Variants in TNK2 observed in about 807,000 individuals in gnomAD.
TNK2 encodes activated CDC42 kinase 1.
In TNK2, 83 loss-of-function variants were observed where a neutral mutation model predicts 101.8. That is an observed-to-expected ratio of 0.82 (90% CI 0.68 to 0.98). The LOEUF is 0.98. Among genes scored for constraint, TNK2 ranks in the 50% least tolerant of loss-of-function variants. The pLI is 0.00. For synonymous variants in TNK2, 804 were observed against 633.0 expected, an observed-to-expected ratio of 1.27 and a Z score of -4.06; for missense variants, 1,665 against 1,483.2, an observed-to-expected ratio of 1.12 and a Z score of -2.01.
chr3:195,887,070 C>T (rs375062177), intron 2 of TNK2, 23 bp from the exon 3 acceptor site: 105 of 1,597,934 alleles, frequency 6.6e-5, no homozygotes, highest in Non-Finnish European at 7.9e-5. Context: ...CGGGGAACCG[C>T]GTGCTGTGAA....
Position 195,866,942 on chromosome 3 carries a change from G to A in TNK2, c.3108C>T (p.Asn1036=). Residue 1036 remains asparagine (N), a synonymous_variant, in exon 15 of 16, where the codon AAC becomes AAT. Coordinates refer to ENST00000672887, the MANE Select transcript of TNK2 (RefSeq NM_001382273.1). ...CHKVLEMFDW[N]LEQAGCHLLG... is the part of the protein sequence containing the mutation. ...GAAGGTGGCAGCCGGCCTGCTCCAG[G>A]TTCCAGTCGAACATCTCCAGCACTT... The A allele has an allele frequency of 2.5e-6, 4 of 1,612,880 alleles. No homozygotes were observed. Among genetic ancestry groups the A allele is most frequent in the Non-Finnish European group, 3.4e-6 (4 of 1,179,786 alleles).
chr3:195,893,199 A>C (rs1759300983), intron 1 of TNK2, among the ~76,000 whole-genome samples: 1 of 151,794 alleles, frequency 6.6e-6, no homozygotes. Flanking sequence ...CCCACCCCCG[A>C]GTCCCAGCCT....
intron 1 of TNK2, among the ~76,000 whole-genome samples, chr3:195,894,995 T>C (rs1344689853): frequency 6.6e-6 from 1 of 152,224 alleles, no homozygotes; most frequent in African/African-American, 2.4e-5. Flanking sequence ...TGGACTCCCT[T>C]GGGGCATGGA....
Position 195,887,013 on chromosome 3 carries a change from C to A in TNK2, c.198G>T (p.Arg66Ser), listed in dbSNP as rs773017523. 21 of 1,612,074 alleles carry A rather than the reference C, an allele frequency of 1.3e-5. No individual in the cohort carries two copies. Among genetic ancestry groups the A allele is most frequent in the Non-Finnish European group, 1.7e-5 (20 of 1,178,912 alleles). The change falls in exon 3 of 16, where the codon AGG becomes AGT. Residue 66 changes from arginine to serine, a missense_variant. By Grantham distance (110) the Arg-to-Ser change is moderately radical. Around this residue, in one of 3 missense-constraint regions of TNK2, gnomAD observed 490 missense variants for 522.5 expected, o/e 0.94. Transcript: ENST00000672887. ...ACGACTTGCGTTTGCACAAGGCCTT[C>A]CTCCTCTTCACAGCCTCCCACAGCC... ...QRRLWEAVKR[R>S]KALCKRKSWM...
rs146324948 is a variant in TNK2 at position 195,882,086 on chromosome 3, G to A, written c.852C>T (p.Tyr284=). Residue 284 remains tyrosine, a synonymous_variant, in exon 6 of 16, where the codon TAC becomes TAT. Transcript: ENST00000672887. This position sits in a 1 kb window ranked among gnomAD's most constrained non-coding sequence, Gnocchi z 4.2. The part of the protein sequence containing the change: ...MRALPQNDDH[Y]VMQEHRKVPF... ...GCACCTTGCGATGTTCCTGCATGAC[G>A]TAATGGTCGTCATTCTGAGGTAGTG... 1,995 of 1,613,260 alleles carry A rather than the reference G, an allele frequency of 1.2e-3. 4 individuals are homozygous for A. Among genetic ancestry groups the A allele is most frequent in the Non-Finnish European group, 1.5e-3 (1,790 of 1,179,668 alleles).
chr3:195,870,193 T>C lies in TNK2; in HGVS notation c.1464A>G (p.Gly488=), dbSNP rs377761048. 2.5e-3 allele frequency: 3,870 copies of C among 1,562,870 alleles called. 4 individuals are homozygous for C. Among genetic ancestry groups the C allele is most frequent in the Non-Finnish European group, 3.0e-3 (3,434 of 1,150,494 alleles). Reference sequence around the variant, plus strand: ...GGAGGTCGGGGGGGTCCATGGGGTTTCCCAGATACAGTCTGTGGGGGAGAG... The same window carrying C: ...GGAGGTCGGGGGGGTCCATGGGGTTCCCCAGATACAGTCTGTGGGGGAGAG... ...FPDRIDELYL[G]NPMDPPDLLS... Residue 488 remains glycine (G), a synonymous_variant, in exon 11 of 16, where the codon GGA becomes GGG. Coordinates refer to ENST00000672887, the MANE Select transcript of TNK2 (RefSeq NM_001382273.1).
At position 195,885,685 on chromosome 3, in the gene TNK2, G is replaced by T. The variant is rs1009593827; in HGVS notation, c.235-652C>A. ...GGCGCCTAGAGCTGAGGGCTGAGACGGAAGGAAAAGTGGAGGAGACTCGGA... is the reference window on the plus strand; with the variant it reads ...GGCGCCTAGAGCTGAGGGCTGAGACTGAAGGAAAAGTGGAGGAGACTCGGA... On this transcript the variant is annotated intron_variant, in intron 3 of 15. Coordinates refer to ENST00000672887, the MANE Select transcript of TNK2 (RefSeq NM_001382273.1). The surrounding 1 kb of genome is among the most constrained non-coding windows in gnomAD (Gnocchi z 4.7). The T allele has an allele frequency of 5.5e-6, 5 of 901,984 alleles. No individual in the cohort carries two copies. Among genetic ancestry groups the T allele is most frequent in the Non-Finnish European group, 7.7e-6 (5 of 647,356 alleles). The allele number at this position is 901,984 out of a possible 1,614,324, so 55.9% of individuals were successfully genotyped here. A position where few individuals can be genotyped will look rare whatever the true frequency, so the allele number is the denominator to read the frequency against.
chr3:195,872,726 G>T, intron 9 of TNK2: 1 of 486,506 alleles, frequency 2.1e-6, no homozygotes, highest in Non-Finnish European at 3.6e-6. Context: ...AAATAAGGAG[G>T]CACGCTGGAA....
intron 9 of TNK2, among the ~76,000 whole-genome samples, chr3:195,876,239 T>C (rs2149410453): frequency 1.3e-5 from 2 of 152,304 alleles, no homozygotes; most frequent in South Asian, 4.1e-4. Context: ...TCTAGGTGTC[T>C]CCCCTCTGCC....
Position 195,869,550 on chromosome 3 carries a change from A to G in TNK2, c.1544-9T>C, listed in dbSNP as rs1391576802. On this transcript the variant is annotated splice_polypyrimidine_tract_variant and intron_variant, in intron 11 of 15. Coordinates refer to ENST00000672887, the MANE Select transcript of TNK2 (RefSeq NM_001382273.1). ...GCGAGGTGGAGGCTCCCCTGCAAGAAAGGCCATGCGGACAGGGGGAGAGAG... is the reference window on the plus strand; with the variant it reads ...GCGAGGTGGAGGCTCCCCTGCAAGAGAGGCCATGCGGACAGGGGGAGAGAG... 3.2e-6 allele frequency: 5 copies of G among 1,551,144 alleles called. No homozygotes were observed. In the African/African-American group the frequency reaches 6.8e-5, roughly 21 times the overall value.
intron 1 of TNK2, among the ~76,000 whole-genome samples, chr3:195,893,820 G>A (rs1173003932): frequency 1.3e-5 from 2 of 152,208 alleles, no homozygotes; most frequent in African/African-American, 4.8e-5. Context: ...GGGGTGGGCA[G>A]CTGGGGAGCA....
chr3:195,883,345 G>A (rs1363738582), intron 4 of TNK2, 36 bp from the exon 5 acceptor site: 3 of 1,608,894 alleles, frequency 1.9e-6, no homozygotes, highest in African/African-American at 1.3e-5. Context: ...CTCAGGACTT[G>A]CCAGGTCCCA....
At chr3:195,889,252 A>C (rs921521922) in intron 1 of TNK2, among the ~76,000 whole-genome samples, 5 of 152,200 alleles carry the variant, frequency 3.3e-5, no homozygotes, top group African/African-American at 7.2e-5. Flanking sequence ...CCCTGTCAAC[A>C]GGGAGCTCAG....
At chr3:195,898,022 C>G (rs1760822128) in intron 1 of TNK2, among the ~76,000 whole-genome samples, 1 of 151,966 alleles carries the variant, frequency 6.6e-6, no homozygotes, top group Non-Finnish European at 1.5e-5. Flanking sequence ...TACAGGGCAG[C>G]TCCACCAGGA....
At position 195,888,627 on chromosome 3, in the gene TNK2, C is replaced by T. The variant is rs201020726; in HGVS notation, c.-18-21G>A. 1.3e-6 allele frequency: 2 copies of T among 1,596,790 alleles called. No individual in the cohort carries two copies. The highest frequency in any genetic ancestry group is 1.7e-6 in the Non-Finnish European group (2 of 1,172,336). On this transcript the variant is annotated intron_variant, in intron 1 of 15. Transcript: ENST00000672887. This position sits in a 1 kb window ranked among gnomAD's most constrained non-coding sequence, Gnocchi z 5.3. ...AGCCTCTGTGGGGGGAGGAGTGGCT[C>T]AGGGACAAGGGTTGTGGGGGGACAA...
At position 195,878,599 on chromosome 3, in the gene TNK2, G is replaced by C. The variant is rs770976187; in HGVS notation, c.1015-7C>G. ...TGTCGATCTTATGCAGGATCTGAAG[G>C]TGAGGAGGTGCAGAGTTTGACGACA... On this transcript the variant is annotated splice_polypyrimidine_tract_variant and splice_region_variant and intron_variant, in intron 7 of 15. Coordinates refer to ENST00000672887, the MANE Select transcript of TNK2 (RefSeq NM_001382273.1). The surrounding 1 kb of genome is among the most constrained non-coding windows in gnomAD (Gnocchi z 4.7). 6.2e-7 allele frequency: 1 copy of C among 1,610,732 alleles called. No individual in the cohort carries two copies. Among genetic ancestry groups the C allele is most frequent in the African/African-American group, 1.3e-5 (1 of 74,858 alleles).
chr3:195,881,640 C>G (rs531059537), intron 6 of TNK2, among the ~76,000 whole-genome samples: 2 of 101,438 alleles, frequency 2.0e-5, no homozygotes, highest in South Asian at 4.8e-4. Context: ...GTAACACCCC[C>G]CCCCCAGCAA....
Position 195,882,014 on chromosome 3 carries a change from G to A in TNK2, c.887+37C>T. On this transcript the variant is annotated intron_variant, in intron 6 of 15. Transcript: ENST00000672887. This position sits in a 1 kb window ranked among gnomAD's most constrained non-coding sequence, Gnocchi z 4.2. ...CCCAGAAGCTTTGAGGCCTGGGTCT[G>A]CAGGGACTCTGTGAGCTGGCAGCAC... 6.3e-7 allele frequency: 1 copy of A among 1,586,918 alleles called. No homozygotes were observed. The highest frequency in any genetic ancestry group is 8.6e-7 in the Non-Finnish European group (1 of 1,164,180).
Position 195,892,371 on chromosome 3 carries a change from C to T in TNK2, c.-18-3765G>A, listed in dbSNP as rs1758867026. 6 of 1,501,870 alleles carry T rather than the reference C, an allele frequency of 4.0e-6. No individual in the cohort carries two copies. The South Asian group carries it at 7.4e-5, about 19-fold the overall frequency. 93.0% of individuals were successfully genotyped at this position (1,501,870 alleles called of 1,614,324 possible). On this transcript the variant is annotated intron_variant, in intron 1 of 15. Transcript: ENST00000672887. ...AGTCAAGTGCTGGTGCTGAGGAGCC[C>T]AACCAGTCCCCAGCAGTCCAGCCCC...
Sources: gnomAD v4.1 joint callset for allele counts (sites outside exome capture counted in the v4.1 genomes callset) on GRCh38, gnomAD v4.1.1 for gene constraint, gnomAD v4.1.1 regional missense constraint, Gnocchi (gnomAD v3.1) non-coding constraint, MANE v1.5 for transcripts, NCBI Gene and HGNC (gene_info 2026-07-23, HGNC 2026-07-21) for gene names.